Variants in SKIL observed in about 807,000 individuals in gnomAD.
SKIL encodes the protein SKI like proto-oncogene, also known as ski-like protein.
SKIL carries 20 observed loss-of-function variants against 69.6 expected under a neutral mutation model. The observed-to-expected ratio is 0.29, with a 90% CI of 0.20 to 0.42. SKIL has a LOEUF of 0.42. Among genes scored for constraint, SKIL ranks in the 10% least tolerant of loss-of-function variants. The pLI is 1.00. For missense variants in SKIL, 745 were observed against 783.1 expected (o/e 0.95, Z 0.58); for synonymous variants, 310 against 279.9 (o/e 1.11, Z -1.08).
rs534536313 is a variant in SKIL, at chr3:170,360,258, C to G, written c.-74C>G. On this transcript the variant is annotated 5_prime_UTR_variant, in exon 2 of 7. Transcript: ENST00000259119. ...GATAGGCATTTGTATCCATTCATTA[C>G]TTTCCTCTTTTCAAATAAGCAACTA... is the stretch of plus-strand genomic sequence containing the variant. The G allele has an allele frequency of 1.5e-6, 2 of 1,369,052 alleles. No homozygotes were observed. Among genetic ancestry groups the G allele is most frequent in the Non-Finnish European group, 2.0e-6 (2 of 1,007,636 alleles). The allele number at this position is 1,369,052 out of a possible 1,614,324, so 84.8% of individuals were successfully genotyped here. A position where few individuals can be genotyped will look rare whatever the true frequency, so the allele number is the denominator to read the frequency against.
chr3:170,369,435 C>A (rs1736691393), intron 2 of SKIL, among the ~76,000 whole-genome samples: 1 of 151,976 alleles, frequency 6.6e-6, no homozygotes, highest in Admixed American at 6.6e-5. Context: ...GAGTTTTGCT[C>A]TTGTAGCTCA....
chr3:170,384,863 A>G, intron 4 of SKIL, 98 bp downstream of exon 4: 1 of 645,386 alleles, frequency 1.5e-6, no homozygotes, highest in South Asian at 2.1e-5. Context: ...AAATTTTCAG[A>G]TAATTGGAGC....
chr3:170,361,530 A>C, intron 2 of SKIL, 101 bp downstream of exon 2: 1 of 884,322 alleles, frequency 1.1e-6, no homozygotes, highest in East Asian at 2.5e-5. Context: ...AACATTGCTC[A>C]TGCAACAACA....
At chr3:170,364,743 AGAT>A (rs1481929949) in intron 2 of SKIL, among the ~76,000 whole-genome samples, 1 of 152,052 alleles carries the variant, frequency 6.6e-6, no homozygotes, top group Non-Finnish European at 1.5e-5. Context: ...AAAAAAAAAA[AGAT>A]GATGGATTAA....
Position 170,381,329 on chromosome 3 carries a change from T to G in SKIL, c.1184T>G (p.Phe395Cys), listed in dbSNP as rs779288180. 6.5e-7 allele frequency: 1 copy of G among 1,530,372 alleles called. No homozygotes were observed. The highest frequency in any genetic ancestry group is 1.1e-5 in the South Asian group (1 of 89,408). 94.8% of individuals were successfully genotyped at this position (1,530,372 alleles called of 1,614,324 possible). A position where few individuals can be genotyped will look rare whatever the true frequency, so the allele number is the denominator to read the frequency against. The change falls in exon 3 of 7, where the codon TTT (phenylalanine) becomes TGT (cysteine). Residue 395 changes from phenylalanine (F) to cysteine (C), a missense_variant. Transcript: ENST00000259119. ...GACCATGTTTCTCAGACACATTCAT[T>G]TTTACACCCCAGGTGAGTTGGTATT... ...EGDHVSQTHS[F>C]LHPSYYLYMC...
At position 170,360,232 on chromosome 3, in the gene SKIL, C is replaced by T. The variant is rs1736154773; in HGVS notation, c.-100C>T. On this transcript the variant is annotated 5_prime_UTR_variant, in exon 2 of 7. It adds an upstream start codon to the 5' untranslated region. Transcript: ENST00000259119. ...GCTTTGAAAGTTTGAGAGTAAGTTA[C>T]GATAGGCATTTGTATCCATTCATTA... 1.3e-5 allele frequency: 15 copies of T among 1,166,922 alleles called. No individual in the cohort carries two copies. The highest frequency in any genetic ancestry group is 1.8e-5 in the Non-Finnish European group (15 of 838,802). 72.3% of individuals were successfully genotyped at this position (1,166,922 alleles called of 1,614,324 possible).
chr3:170,361,490 T>A (rs1037513267), intron 2 of SKIL, 61 bp downstream of exon 2: 10 of 1,245,940 alleles, frequency 8.0e-6, no homozygotes, highest in African/African-American at 1.5e-5. Context: ...GAAAATTCTA[T>A]GTTTAGTGTG....
At chr3:170,385,639 T>C (rs556395657) in intron 4 of SKIL, among the ~76,000 whole-genome samples, 25 of 152,180 alleles carry the variant, frequency 1.6e-4, no homozygotes, top group Non-Finnish European at 3.7e-4. Flanking sequence ...TGTCTGCAGA[T>C]ATTGCCTGTG....
chr3:170,387,955 AAAG>A (rs1737733271), intron 4 of SKIL, among the ~76,000 whole-genome samples: 1 of 149,714 alleles, frequency 6.7e-6, no homozygotes, highest in South Asian at 2.1e-4. Context: ...AAAAAAAAAA[AAAG>A]AATAATGCTG....
rs746142448 is a variant in SKIL at position 170,392,362 on chromosome 3, T to C, written c.2000T>C (p.Met667Thr). The C allele has an allele frequency of 6.2e-7, 1 of 1,612,362 alleles. No individual in the cohort carries two copies. Among genetic ancestry groups the C allele is most frequent in the South Asian group, 1.1e-5 (1 of 90,986 alleles). ...GAAGCAAGACAGAAGTTAGAGATGATGATAAAAGAGCTAAAGCTGCAAATT... is the reference window on the plus strand; with the variant it reads ...GAAGCAAGACAGAAGTTAGAGATGACGATAAAAGAGCTAAAGCTGCAAATT... ...EREARQKLEM[M>T]IKELKLQILK... Residue 667 changes from methionine (M) to threonine (T), a missense_variant, in exon 7 of 7, where the codon ATG (methionine) becomes ACG (threonine). Met to Thr is a moderately conservative substitution (Grantham distance 81). Coordinates refer to ENST00000259119, the MANE Select transcript of SKIL (RefSeq NM_005414.5).
rs1235023125 is a variant in SKIL at position 170,359,687 on chromosome 3, CTCT to C, written c.-633-6_-633-4del. The C allele has an allele frequency of 1.3e-5, 2 of 152,042 alleles. No homozygotes were observed. The highest frequency in any genetic ancestry group is 4.8e-5 in the African/African-American group (2 of 41,404). 9.4% of individuals were successfully genotyped at this position (152,042 alleles called of 1,614,324 possible). A position where few individuals can be genotyped will look rare whatever the true frequency, so the allele number is the denominator to read the frequency against. On this transcript the variant is annotated splice_polypyrimidine_tract_variant and intron_variant, in intron 1 of 6. Coordinates refer to ENST00000259119, the MANE Select transcript of SKIL (RefSeq NM_005414.5). ...ATGTAACTCTTCCCCAACCCCCCTT[CTCT>C]TCTTCCAGATTAATTAAAAGAAGAA...
rs60683836 is a variant in SKIL at position 170,385,697 on chromosome 3, GAC to G, written c.1429+934_1429+935del. ...GCTTTGCTTAGTGATTAGGCAGTGTGACAGTTACTTTAGCTGCATTGGAACAG... is the reference window on the plus strand; with the variant it reads ...GCTTTGCTTAGTGATTAGGCAGTGTGAGTTACTTTAGCTGCATTGGAACAG... On this transcript the variant is annotated intron_variant, in intron 4 of 6. Transcript: ENST00000259119. Among the ~76,000 whole-genome samples the G allele has an allele frequency of 2.4e-3, 367 of 152,218 alleles. 2 individuals are homozygous for G. Among genetic ancestry groups the G allele is most frequent in the African/African-American group, 8.3e-3 (346 of 41,536 alleles).
intron 2 of SKIL, among the ~76,000 whole-genome samples, chr3:170,362,155 C>CA (rs935515278): frequency 1.3e-4 from 19 of 151,382 alleles, no homozygotes; most frequent in African/African-American, 4.6e-4. Context: ...AAAGGAATAA[C>CA]AAAAAAAATG....
intron 2 of SKIL, among the ~76,000 whole-genome samples, chr3:170,373,610 T>A (rs1736887906): frequency 6.6e-6 from 1 of 152,184 alleles, no homozygotes; most frequent in Non-Finnish European, 1.5e-5. Context: ...TAATTAAAGA[T>A]CAAAATAGTA....
In SKIL at chr3:170,392,588, A is replaced by G. The variant is rs192825187; in HGVS notation, c.*171A>G. On this transcript the variant is annotated 3_prime_UTR_variant, in exon 7 of 7. Transcript: ENST00000259119. The stretch of plus-strand genomic sequence containing the variant: ...TATATATTAGTACTTAAATTTTTAC[A>G]TTTTCCAAATGAATGAAAATGTATG... The G allele has an allele frequency of 3.4e-5, 14 of 408,938 alleles. No individual in the cohort carries two copies. Among genetic ancestry groups the G allele is most frequent in the African/African-American group, 2.7e-4 (13 of 48,518 alleles). The allele number at this position is 408,938 out of a possible 1,614,324, so 25.3% of individuals were successfully genotyped here.
intron 2 of SKIL, among the ~76,000 whole-genome samples, chr3:170,378,645 G>A (rs1015385727): frequency 1.4e-5 from 2 of 145,922 alleles, no homozygotes; most frequent in Admixed American, 1.4e-4. Flanking sequence ...TCTGCCTCCC[G>A]GATTCAAGTG....
intron 3 of SKIL, among the ~76,000 whole-genome samples, 200 bp downstream of exon 3, chr3:170,381,541 T>A (rs570030765): frequency 7.2e-5 from 11 of 152,064 alleles, no homozygotes; most frequent in Non-Finnish European, 1.5e-4. Flanking sequence ...CAAGCGATTC[T>A]CCTGCCTCAG....
intron 2 of SKIL, among the ~76,000 whole-genome samples, chr3:170,369,708 G>C (rs1335862299): frequency 2.0e-5 from 3 of 152,092 alleles, no homozygotes; most frequent in Non-Finnish European, 4.4e-5. Flanking sequence ...AGCGAATTGG[G>C]CTAATTTTAA....
chr3:170,369,594 G>A (rs901017746), intron 2 of SKIL, among the ~76,000 whole-genome samples: 10 of 152,046 alleles, frequency 6.6e-5, no homozygotes, highest in South Asian at 2.1e-4. Context: ...TAGAGATGTG[G>A]TTTCACCATA....
Sources: gnomAD v4.1 joint callset for allele counts (sites outside exome capture counted in the v4.1 genomes callset) on GRCh38, gnomAD v4.1.1 for gene constraint, MANE v1.5 for transcripts, NCBI Gene and HGNC (gene_info 2026-07-23, HGNC 2026-07-21) for gene names.